RASGRP3: variants seen among roughly 807,000 people sequenced by gnomAD.
RASGRP3 encodes ras guanyl-releasing protein 3.
RASGRP3 carries 54 observed loss-of-function variants against 82.7 expected under a neutral mutation model. The observed-to-expected ratio is 0.65, with a 90% confidence interval of 0.52 to 0.82. The LOEUF is 0.82. Among genes scored for constraint, RASGRP3 ranks in the 40% least tolerant of loss-of-function variants. The probability of loss-of-function intolerance (pLI) is 0.00; values close to 1 mark genes in which losing one functional copy is unlikely to be tolerated. For synonymous variants in RASGRP3, 309 were observed against 300.5 expected (o/e 1.03, Z -0.29); for missense variants, 861 against 828.9 (o/e 1.04, Z -0.48).
intron 2 of RASGRP3, among the ~76,000 whole-genome samples, chr2:33,464,544 C>A (rs1666576572): frequency 1.3e-5 from 2 of 151,770 alleles, no homozygotes; most frequent in Non-Finnish European, 2.9e-5. Context: ...CCAATCACAG[C>A]TCACTGCAGC....
intron 10 of RASGRP3, among the ~76,000 whole-genome samples, chr2:33,527,970 T>G (rs1224706108): frequency 6.6e-6 from 1 of 152,220 alleles, no homozygotes; most frequent in East Asian, 1.9e-4. Flanking sequence ...AATATTGAAC[T>G]TCTTATACTT....
intron 15 of RASGRP3, among the ~76,000 whole-genome samples, chr2:33,556,109 A>G (rs1381501696): frequency 6.6e-6 from 1 of 152,176 alleles, no homozygotes; most frequent in African/African-American, 2.4e-5. Context: ...TGCAATATGC[A>G]TGTATACTAA....
intron 1 of RASGRP3, among the ~76,000 whole-genome samples, chr2:33,498,030 C>G (rs899859999): frequency 1.3e-5 from 2 of 152,048 alleles, no homozygotes; most frequent in African/African-American, 4.8e-5. Context: ...TCCCTTCTCT[C>G]TTTCTTTCCT....
intron 1 of RASGRP3, among the ~76,000 whole-genome samples, chr2:33,508,511 A>AC (rs893106174): frequency 9.9e-5 from 15 of 151,820 alleles, no homozygotes; most frequent in African/African-American, 3.4e-4. Flanking sequence ...AGCAGGAGAG[A>AC]CCCCCCAAAA....
At chr2:33,544,904 A>G (rs187599339) in intron 13 of RASGRP3, among the ~76,000 whole-genome samples, 7 of 152,314 alleles carry the variant, frequency 4.6e-5, no homozygotes, top group Non-Finnish European at 1.0e-4. Context: ...TTGACACATT[A>G]ACATAACTTA....
chr2:33,537,032 T>C lies in RASGRP3; in HGVS notation c.1162-2062T>C, dbSNP rs964274113. ...CCTTCTTGGTACCTGAGTCCTTGTC[T>C]GGCATCTAAGAAGAATCAGGTCACA... On this transcript the variant is annotated intron_variant, in intron 11 of 17. Coordinates refer to ENST00000403687, the MANE Select transcript of RASGRP3 (RefSeq NM_001139488.2). Among the ~76,000 whole-genome samples the C allele has an allele frequency of 5.9e-5, 9 of 152,202 alleles. No homozygotes were observed. The South Asian group carries it at 1.9e-3, about 32-fold the overall frequency.
At chr2:33,456,005 A>G (rs1278862708) in intron 2 of RASGRP3, among the ~76,000 whole-genome samples, 1 of 152,194 alleles carries the variant, frequency 6.6e-6, no homozygotes, top group African/African-American at 2.4e-5. Flanking sequence ...AAATTATGGC[A>G]TGGAAACATT....
At chr2:33,448,658 G>A (rs1665627137) in intron 2 of RASGRP3, among the ~76,000 whole-genome samples, 1 of 152,080 alleles carries the variant, frequency 6.6e-6, no homozygotes, top group African/African-American at 2.4e-5. Context: ...GCTGGGGGTG[G>A]GGGGAAAGGG....
chr2:33,495,913 C>T (rs1419758888), intron 1 of RASGRP3, among the ~76,000 whole-genome samples: 1 of 152,134 alleles, frequency 6.6e-6, no homozygotes, highest in Non-Finnish European at 1.5e-5. Context: ...AGTTGCTGCT[C>T]AGCTCCATCC....
intron 2 of RASGRP3, among the ~76,000 whole-genome samples, chr2:33,454,335 G>A (rs1436987006): frequency 6.6e-6 from 1 of 152,184 alleles, no homozygotes; most frequent in Non-Finnish European, 1.5e-5. Context: ...TCTGTTTGAT[G>A]TAACCCTGTA....
chr2:33,471,886 T>G (rs923002067), upstream of RASGRP3, among the ~76,000 whole-genome samples: 1 of 96,430 alleles, frequency 1.0e-5, no homozygotes, highest in Admixed American at 1.1e-4. Context: ...TAATTTATTC[T>G]CCAATCAATG....
chr2:33,524,661 A>G, intron 9 of RASGRP3, 113 bp downstream of exon 9: 1 of 766,194 alleles, frequency 1.3e-6, no homozygotes, highest in Non-Finnish European at 2.1e-6. Flanking sequence ...CTCTTAAACC[A>G]GTGGTAGGTT....
Position 33,539,203 on chromosome 2 carries a change from TAGTGGAGGTA to T in RASGRP3, c.1277_1278+8del. On this transcript the variant is annotated splice_donor_variant and splice_donor_region_variant and coding_sequence_variant and intron_variant, in exon 12 of 18. Transcript: ENST00000403687. LOFTEE classifies it high-confidence loss of function. The stretch of plus-strand genomic sequence containing the variant: ...GTCATCAACAAGCACATAAGGAAAT[TAGTGGAGGTA>T]AGTGGTTGAGGGAGAATAAAGAGAG... 1.9e-6 allele frequency: 3 copies of T among 1,602,246 alleles called. No individual in the cohort carries two copies. The highest frequency in any genetic ancestry group is 2.6e-6 in the Non-Finnish European group (3 of 1,173,490).
At chr2:33,452,947 G>T (rs541010689) in intron 2 of RASGRP3, among the ~76,000 whole-genome samples, 1 of 152,290 alleles carries the variant, frequency 6.6e-6, no homozygotes, top group East Asian at 1.9e-4. Context: ...TCTGGCACTG[G>T]ATTTCACTGA....
At chr2:33,491,150 T>C (rs1426285026) in intron 1 of RASGRP3, among the ~76,000 whole-genome samples, 3 of 110,324 alleles carry the variant, frequency 2.7e-5, no homozygotes, top group Non-Finnish European at 3.7e-5. Context: ...ACCTCGTCTC[T>C]ACTAAAAATA....
chr2:33,524,573 A>G (rs1422737802), intron 9 of RASGRP3, 25 bp downstream of exon 9: 1 of 1,491,158 alleles, frequency 6.7e-7, no homozygotes, highest in Admixed American at 2.1e-5. Flanking sequence ...ATCCTAATCA[A>G]AAGTAAAAAA....
rs200007507 is a variant in RASGRP3, at chr2:33,519,952, G to T, written c.174G>T (p.Met58Ile). 1.9e-6 allele frequency: 3 copies of T among 1,608,074 alleles called. No homozygotes were observed. The highest frequency in any genetic ancestry group is 1.7e-5 in the Admixed American group (1 of 59,386). ...GATTTTTTTTCTTTAACTGGTTTAC[G>T]TATCGAAATGCCACTGGAGAAAGCT... is the stretch of plus-strand genomic sequence containing the variant. The part of the protein sequence containing the change: ...STELAEKLLC[M>I]YRNATGESCN... The change falls in exon 5 of 18, where the codon ATG becomes ATT. Residue 58 changes from methionine (M) to isoleucine (I), a missense_variant and splice_region_variant. Transcript: ENST00000403687.
Position 33,543,606 on chromosome 2 carries a change from T to C in RASGRP3, c.1373T>C (p.Phe458Ser), listed in dbSNP as rs1674470736. ...IAANFPFLDSFCVLDKDQDGL... is the reference protein window; with the variant it reads ...IAANFPFLDSSCVLDKDQDGL... Reference sequence around the variant, plus strand: ...GCCAATTTTCCCTTCTTGGATTCCTTCTGTGTTCTGGACAAAGATCAGTAA... The same window carrying C: ...GCCAATTTTCCCTTCTTGGATTCCTCCTGTGTTCTGGACAAAGATCAGTAA... Residue 458 changes from phenylalanine (F) to serine (S), a missense_variant, in exon 13 of 18, where the codon TTC becomes TCC. Transcript: ENST00000403687. 1 of 1,601,936 alleles carries C rather than the reference T, an allele frequency of 6.2e-7. No homozygotes were observed. The highest frequency in any genetic ancestry group is 8.5e-7 in the Non-Finnish European group (1 of 1,169,790).
At chr2:33,459,157 C>T (rs554558757) in intron 2 of RASGRP3, among the ~76,000 whole-genome samples, 22 of 152,074 alleles carry the variant, frequency 1.4e-4, no homozygotes, top group African/African-American at 4.8e-4. Flanking sequence ...GATGGAGTCT[C>T]GCTCTGTCGC....
Sources: gnomAD v4.1 joint callset for allele counts (sites outside exome capture counted in the v4.1 genomes callset) on GRCh38, gnomAD v4.1.1 for gene constraint, MANE v1.5 for transcripts, NCBI Gene and HGNC (gene_info 2026-07-23, HGNC 2026-07-21) for gene names.